The following PSMD14 variants were observed in gnomAD, a reference collection of about 807,000 sequenced individuals.
PSMD14 encodes the protein ubiquitin C-terminal hydrolase PSMD14.
PSMD14 carries 7 observed loss-of-function variants against 41.2 expected under a neutral mutation model. The observed-to-expected ratio is 0.17, with a 90% confidence interval of 0.10 to 0.32. The LOEUF (loss-of-function observed/expected upper bound fraction) is 0.32, where lower values mean the gene tolerates loss of function less well. Among genes scored for constraint, PSMD14 ranks in the 10% least tolerant of loss-of-function variants. The pLI, the probability that PSMD14 is intolerant of heterozygous loss-of-function variation, is 1.00. For missense variants in PSMD14, 139 were observed against 375.6 expected, an observed-to-expected ratio of 0.37 and a Z score of 5.21; for synonymous variants, 114 against 122.3, an observed-to-expected ratio of 0.93 and a Z score of 0.45.
At chr2:161,402,513 C>T (rs1683894267) in intron 10 of PSMD14, among the ~76,000 whole-genome samples, 1 of 151,912 alleles carries the variant, frequency 6.6e-6, no homozygotes, top group Non-Finnish European at 1.5e-5. Flanking sequence ...TGGTGGCATG[C>T]ACCCGTGGTC....
chr2:161,360,422 T>A (rs1683274723), intron 3 of PSMD14, among the ~76,000 whole-genome samples: 1 of 151,648 alleles, frequency 6.6e-6, no homozygotes, highest in African/African-American at 2.4e-5. Flanking sequence ...GTGGCATGAT[T>A]TTGGCTCACT....
intron 3 of PSMD14, among the ~76,000 whole-genome samples, chr2:161,364,449 T>C (rs1683331977): frequency 6.6e-6 from 1 of 152,146 alleles, no homozygotes; most frequent in Non-Finnish European, 1.5e-5. Context: ...CCTAGGTCCA[T>C]GAGCGCAGGC....
intron 9 of PSMD14, among the ~76,000 whole-genome samples, chr2:161,394,533 A>C (rs1683764358): frequency 6.6e-6 from 1 of 152,134 alleles, no homozygotes; most frequent in African/African-American, 2.4e-5. Context: ...GATACTTATA[A>C]ATTTCATTAA....
chr2:161,319,157 A>C (rs1689175781), intron 3 of PSMD14: 2 of 295,006 alleles, frequency 6.8e-6, no homozygotes, highest in African/African-American at 4.4e-5. Context: ...AGGAAAAAAA[A>C]ACCCTCAAAA....
chr2:161,411,201 G>A, intron 11 of PSMD14, 101 bp from the exon 12 acceptor site: 4 of 605,284 alleles, frequency 6.6e-6, no homozygotes, highest in African/African-American at 3.8e-5. Flanking sequence ...AGTAAGGTCT[G>A]GCTTTCTTTA....
At chr2:161,384,736 T>C (rs1683612652) in intron 7 of PSMD14, 2 of 151,822 alleles carry the variant, frequency 1.3e-5, no homozygotes, top group South Asian at 4.1e-4. Context: ...CAGATGTTAT[T>C]GTATCATAGG....
At chr2:161,337,242 A>T (rs1310273211) in intron 3 of PSMD14, among the ~76,000 whole-genome samples, 1 of 152,212 alleles carries the variant, frequency 6.6e-6, no homozygotes, top group Non-Finnish European at 1.5e-5. Context: ...GTTAAATTTT[A>T]TTCCTAAATT....
At chr2:161,364,950 A>G (rs903042407) in intron 3 of PSMD14, among the ~76,000 whole-genome samples, 2 of 152,096 alleles carry the variant, frequency 1.3e-5, no homozygotes. Context: ...CTAAAATACA[A>G]AAAATCAGCC....
intron 3 of PSMD14, among the ~76,000 whole-genome samples, chr2:161,366,724 GAGGGTAAGAACTATATGTC>G (rs1683363868): frequency 6.6e-6 from 1 of 152,154 alleles, no homozygotes. Flanking sequence ...TAGGCATCTT[GAGGGTAAGAACTATATGTC>G]AGTTACCTTG....
chr2:161,343,731 G>T (rs1297552436), intron 3 of PSMD14, among the ~76,000 whole-genome samples: 1 of 152,116 alleles, frequency 6.6e-6, no homozygotes, highest in Non-Finnish European at 1.5e-5. Context: ...GGGAGCCTAA[G>T]GCTGGAGAAT....
chr2:161,341,423 C>T lies in PSMD14; in HGVS notation c.48+22550C>T, dbSNP rs148941703. 5.2e-5 allele frequency: 25 copies of T among 477,356 alleles called. No homozygotes were observed. In the East Asian group the frequency reaches 3.1e-3, roughly 60 times the overall value. 29.6% of individuals were successfully genotyped at this position (477,356 alleles called of 1,614,324 possible). A position where few individuals can be genotyped will look rare whatever the true frequency, so the allele number is the denominator to read the frequency against. On this transcript the variant is annotated intron_variant, in intron 3 of 11. Coordinates refer to ENST00000409682, the MANE Select transcript of PSMD14 (RefSeq NM_005805.6). ...GAATTTTATGAGTTCTTTATATGTT[C>T]TGAATAGAAGTTCTTTATCAAATAT...
At chr2:161,372,234 A>G (rs1683445834) in intron 7 of PSMD14, among the ~76,000 whole-genome samples, 2 of 152,132 alleles carry the variant, frequency 1.3e-5, no homozygotes, top group South Asian at 4.1e-4. Flanking sequence ...TTGTTAAAAT[A>G]AAATCACAAT....
intron 3 of PSMD14, among the ~76,000 whole-genome samples, chr2:161,325,568 A>G (rs554311494): frequency 1.3e-5 from 2 of 152,300 alleles, no homozygotes; most frequent in South Asian, 2.1e-4. Context: ...TGAGGACTCT[A>G]TATCACCACA....
chr2:161,359,789 A>G (rs901835296), intron 3 of PSMD14, among the ~76,000 whole-genome samples: 3 of 152,248 alleles, frequency 2.0e-5, no homozygotes, highest in African/African-American at 7.2e-5. Flanking sequence ...GAATAAAAGT[A>G]GACTTGGGCA....
At chr2:161,369,133 A>T (rs922552307) in intron 5 of PSMD14, among the ~76,000 whole-genome samples, 1 of 152,004 alleles carries the variant, frequency 6.6e-6, no homozygotes, top group African/African-American at 2.4e-5. Context: ...TATATATGTT[A>T]TGGGTACTTA....
At chr2:161,396,976 C>T (rs144052771) in intron 10 of PSMD14, among the ~76,000 whole-genome samples, 4 of 152,010 alleles carry the variant, frequency 2.6e-5, no homozygotes, top group East Asian at 1.9e-4. Context: ...TACAGGCGCC[C>T]GCTGCAACAC....
intron 3 of PSMD14, among the ~76,000 whole-genome samples, chr2:161,340,575 A>G (rs1682937568): frequency 6.6e-6 from 1 of 152,130 alleles, no homozygotes; most frequent in African/African-American, 2.4e-5. Context: ...TCAGCTTAAC[A>G]AAGTGACCCA....
intron 3 of PSMD14, chr2:161,340,872 T>A: frequency 6.2e-7 from 1 of 1,613,968 alleles, no homozygotes; most frequent in Non-Finnish European, 8.5e-7. Context: ...CTTCTCGTAC[T>A]GGTTTCCCCT....
intron 3 of PSMD14, among the ~76,000 whole-genome samples, chr2:161,362,816 C>T (rs1377615267): frequency 1.3e-5 from 2 of 152,134 alleles, no homozygotes; most frequent in Non-Finnish European, 2.9e-5. Flanking sequence ...TAAGATTTCT[C>T]AAGATACAGT....
Sources: allele counts gnomAD v4.1 joint callset (sites outside exome capture counted in the v4.1 genomes callset), GRCh38; gene constraint gnomAD v4.1.1; transcripts MANE v1.5; gene names NCBI Gene and HGNC (gene_info 2026-07-23, HGNC 2026-07-21).